CCN4: variants seen among roughly 807,000 people sequenced by gnomAD.
CCN4 encodes cellular communication network factor 4.
In CCN4, 30 loss-of-function variants were observed where a neutral mutation model predicts 36.7. That is an observed-to-expected ratio of 0.82 (90% CI 0.61 to 1.11). CCN4 has a LOEUF of 1.11. CCN4 is among the 50% of genes least tolerant of loss of function. The probability of loss-of-function intolerance (pLI) is 0.00; values close to 1 mark genes in which losing one functional copy is unlikely to be tolerated. For synonymous variants in CCN4, 191 were observed against 195.4 expected (o/e 0.98, Z 0.19); for missense variants, 505 against 504.9 (o/e 1.00, Z 0.00).
chr8:133,210,793 T>C (rs1326030612), intron 1 of CCN4, among the ~76,000 whole-genome samples: 8 of 152,234 alleles, frequency 5.3e-5, no homozygotes, highest in African/African-American at 1.9e-4. Context: ...GTCTAATTTC[T>C]GAGCCTGCCT....
At chr8:133,196,933 G>C (rs957709164) in intron 1 of CCN4, among the ~76,000 whole-genome samples, 2 of 152,168 alleles carry the variant, frequency 1.3e-5, no homozygotes, top group African/African-American at 4.8e-5. Flanking sequence ...CAGGCTGAGG[G>C]GCAGACTAAT....
intron 1 of CCN4, among the ~76,000 whole-genome samples, chr8:133,210,433 G>A (rs541122965): frequency 4.0e-5 from 6 of 149,748 alleles, no homozygotes; most frequent in East Asian, 3.9e-4. Context: ...TTACTGATTC[G>A]GATATGTAGG....
chr8:133,205,134 G>A (rs1212171377), intron 1 of CCN4, among the ~76,000 whole-genome samples: 2 of 152,212 alleles, frequency 1.3e-5, no homozygotes, highest in African/African-American at 4.8e-5. Flanking sequence ...TGGGCTCAGA[G>A]GCTGCAGCAG....
chr8:133,191,285 T>G, intron 1 of CCN4, 72 bp downstream of exon 1: 1 of 1,505,422 alleles, frequency 6.6e-7, no homozygotes. Flanking sequence ...ACATGGGGGC[T>G]GGTGGGCAGG....
chr8:133,198,113 C>T (rs1437358011), intron 1 of CCN4, among the ~76,000 whole-genome samples: 1 of 152,160 alleles, frequency 6.6e-6, no homozygotes, highest in African/African-American at 2.4e-5. Context: ...CCAAAGCTGG[C>T]TTCCAGCTGG....
rs764172121 is a variant in CCN4, at chr8:133,227,669, G to T, written c.1063G>T (p.Asp355Tyr). 1.2e-6 allele frequency: 2 copies of T among 1,614,160 alleles called. No individual in the cohort carries two copies. The highest frequency in any genetic ancestry group is 1.7e-6 in the Non-Finnish European group (2 of 1,179,996). ...TAGGAATCCCAATGACATCTTTGCTGACTTGGAATCCTACCCTGACTTCTC... is the reference window on the plus strand; with the variant it reads ...TAGGAATCCCAATGACATCTTTGCTTACTTGGAATCCTACCCTGACTTCTC... ...SCRNPNDIFADLESYPDFSEI... is the reference protein window; with the variant it reads ...SCRNPNDIFAYLESYPDFSEI... The change falls in exon 5 of 5, where the codon GAC (aspartate) becomes TAC (tyrosine). Residue 355 changes from aspartate to tyrosine, a missense_variant. Asp to Tyr is a radical substitution (Grantham distance 160, BLOSUM62 -3). Coordinates refer to ENST00000250160, the MANE Select transcript of CCN4 (RefSeq NM_003882.4).
chr8:133,216,502 A>G (rs1854326593), intron 2 of CCN4, among the ~76,000 whole-genome samples: 1 of 152,230 alleles, frequency 6.6e-6, no homozygotes, highest in Admixed American at 6.5e-5. Context: ...AAGAGAATCC[A>G]GGTACATAGA....
chr8:133,220,196 T>C (rs1854466478), intron 2 of CCN4, among the ~76,000 whole-genome samples: 1 of 151,780 alleles, frequency 6.6e-6, no homozygotes, highest in African/African-American at 2.4e-5. Context: ...TGTTCTGGCT[T>C]TTTTTTTACA....
chr8:133,227,843 C>A lies in CCN4; in HGVS notation c.*133C>A. Reference sequence around the variant, plus strand: ...CCTTGGCCTCCATTTCTGTCTCTAACCATTCAAATGACGCCTGATGGTGCT... The same window carrying A: ...CCTTGGCCTCCATTTCTGTCTCTAAACATTCAAATGACGCCTGATGGTGCT... On this transcript the variant is annotated 3_prime_UTR_variant, in exon 5 of 5. Coordinates refer to ENST00000250160, the MANE Select transcript of CCN4 (RefSeq NM_003882.4). The A allele has an allele frequency of 9.9e-7, 1 of 1,013,074 alleles. No homozygotes were observed. 62.8% of individuals were successfully genotyped at this position (1,013,074 alleles called of 1,614,324 possible).
intron 1 of CCN4, among the ~76,000 whole-genome samples, chr8:133,202,676 C>T (rs564088024): frequency 6.6e-6 from 1 of 152,276 alleles, no homozygotes; most frequent in African/African-American, 2.4e-5. Context: ...CTGGGCAGTG[C>T]GGTGGGGGAA....
In CCN4 at chr8:133,230,301, C is replaced by G. The variant is rs923192903; in HGVS notation, c.*2591C>G. 1 of 152,178 alleles carries G rather than the reference C, an allele frequency of 6.6e-6. No individual in the cohort carries two copies. The highest frequency in any genetic ancestry group is 2.4e-5 in the African/African-American group (1 of 41,436). The allele number at this position is 152,178 out of a possible 1,614,324, so 9.4% of individuals were successfully genotyped here. On this transcript the variant is annotated 3_prime_UTR_variant, in exon 5 of 5. Transcript: ENST00000250160. The stretch of plus-strand genomic sequence containing the variant: ...CAGAATTTCCCTGCAATGGTGTGGC[C>G]TGATTCAATAAAAATTAAGAATAAT...
At chr8:133,195,984 G>T (rs769719283) in intron 1 of CCN4, among the ~76,000 whole-genome samples, 30 of 152,234 alleles carry the variant, frequency 2.0e-4, no homozygotes, top group Non-Finnish European at 3.4e-4. Context: ...GTGGGTTCCT[G>T]GGAGGGGCTG....
At chr8:133,198,545 C>G (rs573624234) in intron 1 of CCN4, among the ~76,000 whole-genome samples, 3 of 152,208 alleles carry the variant, frequency 2.0e-5, no homozygotes, top group African/African-American at 7.2e-5. Context: ...GCCTTGCTGT[C>G]AAATACTCCT....
chr8:133,226,188 C>T (rs2130625529), intron 4 of CCN4, among the ~76,000 whole-genome samples: 1 of 152,328 alleles, frequency 6.6e-6, no homozygotes, highest in Admixed American at 6.5e-5. Context: ...TCTGATTTAT[C>T]TAATTCAAGT....
intron 1 of CCN4, among the ~76,000 whole-genome samples, chr8:133,192,986 C>G (rs1466244782): frequency 6.6e-6 from 1 of 152,206 alleles, no homozygotes; most frequent in Non-Finnish European, 1.5e-5. Context: ...CCTGGGGAAC[C>G]CAGACCACCC....
chr8:133,195,700 C>A (rs1853356255), intron 1 of CCN4, among the ~76,000 whole-genome samples: 1 of 152,208 alleles, frequency 6.6e-6, no homozygotes, highest in African/African-American at 2.4e-5. Context: ...CTCCGCCCAA[C>A]CAGCTCCTTG....
chr8:133,210,592 C>T (rs928879752), intron 1 of CCN4, among the ~76,000 whole-genome samples: 2 of 152,112 alleles, frequency 1.3e-5, no homozygotes, highest in African/African-American at 4.8e-5. Flanking sequence ...GCCCACAGAG[C>T]CTTCCTCCCT....
rs1315821979 is a variant in CCN4 at position 133,231,586 on chromosome 8, C to T, written c.*3876C>T. 1 of 152,176 alleles carries T rather than the reference C, an allele frequency of 6.6e-6. No individual in the cohort carries two copies. The highest frequency in any genetic ancestry group is 1.5e-5 in the Non-Finnish European group (1 of 68,032). The allele number at this position is 152,176 out of a possible 1,614,324, so 9.4% of individuals were successfully genotyped here. On this transcript the variant is annotated 3_prime_UTR_variant, in exon 5 of 5. Transcript: ENST00000250160. ...TCTTTTCCTTAAGGTAATAAACCAT[C>T]AGCAAAGTCACATACTGGAGTTGGT...
At chr8:133,217,980 G>T (rs910113851) in intron 2 of CCN4, among the ~76,000 whole-genome samples, 1 of 60,518 alleles carries the variant, frequency 1.7e-5, no homozygotes, top group Non-Finnish European at 3.1e-5. Context: ...GAGAGACAGC[G>T]TGCAGGCAGA....
Sources: gnomAD v4.1 joint callset for allele counts (sites outside exome capture counted in the v4.1 genomes callset) on GRCh38, gnomAD v4.1.1 for gene constraint, MANE v1.5 for transcripts, NCBI Gene and HGNC (gene_info 2026-07-23, HGNC 2026-07-21) for gene names.